The following RFX3 variants were observed in gnomAD, a reference collection of about 807,000 sequenced individuals.
RFX3 encodes transcription factor RFX3.
Under a neutral mutation model 98.6 loss-of-function variants are expected in RFX3, and 14 were observed. The observed-to-expected ratio is 0.14, with a 90% CI of 0.09 to 0.22. The LOEUF is 0.22. Among genes scored for constraint, RFX3 ranks in the 10% least tolerant of loss-of-function variants. The pLI, the probability that RFX3 is intolerant of heterozygous loss-of-function variation, is 1.00. For synonymous variants in RFX3, 383 were observed against 328.4 expected (o/e 1.17, Z -1.80); for missense variants, 639 against 926.9 (o/e 0.69, Z 4.03).
chr9:3,231,125 T>C (rs967573588), intron 15 of RFX3, among the ~76,000 whole-genome samples: 13 of 152,226 alleles, frequency 8.5e-5, no homozygotes, highest in South Asian at 2.1e-4. Context: ...TTATGCACTA[T>C]GGGGGACAAT....
At chr9:3,299,443 A>T (rs1458201371) in intron 5 of RFX3, among the ~76,000 whole-genome samples, 1 of 151,750 alleles carries the variant, frequency 6.6e-6, no homozygotes, top group African/African-American at 2.4e-5. Context: ...CCATCCGTAG[A>T]ATCATTTTTG....
chr9:3,488,508 T>C (rs905744997), intron 1 of RFX3, among the ~76,000 whole-genome samples: 2 of 152,190 alleles, frequency 1.3e-5, no homozygotes, highest in Non-Finnish European at 1.5e-5. Context: ...ACAACTCAAA[T>C]GGTTTGAGAA....
intron 3 of RFX3, among the ~76,000 whole-genome samples, chr9:3,333,301 A>G (rs1832801508): frequency 6.6e-6 from 1 of 152,172 alleles, no homozygotes; most frequent in Non-Finnish European, 1.5e-5. Context: ...TTTACAATAT[A>G]TATTTTAGTA....
intron 9 of RFX3, 129 bp from the exon 10 acceptor site, chr9:3,271,247 T>C: frequency 1.7e-6 from 1 of 599,442 alleles, no homozygotes; most frequent in Non-Finnish European, 2.8e-6. Context: ...ATGGTGAAAC[T>C]ACACTAAATT....
intron 11 of RFX3, among the ~76,000 whole-genome samples, chr9:3,267,338 T>C (rs1467444729): frequency 1.3e-5 from 2 of 151,916 alleles, no homozygotes; most frequent in Non-Finnish European, 2.9e-5. Context: ...CAGTTATATT[T>C]TGGGCCGAGG....
intron 13 of RFX3, among the ~76,000 whole-genome samples, chr9:3,259,616 C>T (rs986183605): frequency 1.9e-4 from 29 of 151,798 alleles, no homozygotes; most frequent in African/African-American, 6.8e-4. Context: ...GGTCAGCCCA[C>T]CGAAAGCTAT....
At chr9:3,262,849 T>C in intron 13 of RFX3, 86 bp downstream of exon 13, 1 of 1,404,470 alleles carries the variant, frequency 7.1e-7, no homozygotes, top group Admixed American at 1.8e-5. Flanking sequence ...AGATGAGACT[T>C]TGAAAAGAAA....
At chr9:3,314,382 T>C (rs569451409) in intron 4 of RFX3, among the ~76,000 whole-genome samples, 3 of 152,134 alleles carry the variant, frequency 2.0e-5, no homozygotes, top group South Asian at 2.1e-4. Flanking sequence ...GCACTGAACA[T>C]GGAAACAAAT....
At chr9:3,458,679 T>C (rs1489409161) in intron 1 of RFX3, among the ~76,000 whole-genome samples, 1 of 152,196 alleles carries the variant, frequency 6.6e-6, no homozygotes, top group Non-Finnish European at 1.5e-5. Flanking sequence ...TGGCACAGTG[T>C]AAAGAATACA....
At chr9:3,417,454 G>T (rs1280444706) in intron 1 of RFX3, among the ~76,000 whole-genome samples, 1 of 151,816 alleles carries the variant, frequency 6.6e-6, no homozygotes, top group African/African-American at 2.4e-5. Flanking sequence ...AATTTTAAAG[G>T]ACTCAAATCT....
At chr9:3,231,914 A>G (rs1223411722) in intron 15 of RFX3, among the ~76,000 whole-genome samples, 4 of 152,022 alleles carry the variant, frequency 2.6e-5, no homozygotes, top group African/African-American at 7.2e-5. Flanking sequence ...AAATATAAAA[A>G]TTAGCTGGGC....
chr9:3,418,749 G>C (rs1042900273), intron 1 of RFX3, among the ~76,000 whole-genome samples: 1 of 152,080 alleles, frequency 6.6e-6, no homozygotes, highest in African/African-American at 2.4e-5. Flanking sequence ...AATTAAAATA[G>C]GATATCATCA....
chr9:3,264,731 T>G (rs1823389773), intron 12 of RFX3, among the ~76,000 whole-genome samples: 1 of 152,208 alleles, frequency 6.6e-6, no homozygotes, highest in South Asian at 2.1e-4. Context: ...TGCTGTTTCC[T>G]CTGTCAGGGT....
intron 1 of RFX3, among the ~76,000 whole-genome samples, chr9:3,508,813 T>C (rs1265012643): frequency 1.3e-5 from 2 of 151,952 alleles, no homozygotes; most frequent in Non-Finnish European, 1.5e-5. Context: ...CATTGGGAAG[T>C]TCAATTGCCA....
At chr9:3,441,971 G>A (rs532675296) in intron 1 of RFX3, among the ~76,000 whole-genome samples, 5 of 152,170 alleles carry the variant, frequency 3.3e-5, no homozygotes, top group East Asian at 1.9e-4. Context: ...TGGTCCAGGC[G>A]GGCAGATCAC....
chr9:3,262,377 C>T (rs1823023640), intron 13 of RFX3, among the ~76,000 whole-genome samples: 1 of 152,092 alleles, frequency 6.6e-6, no homozygotes, highest in Non-Finnish European at 1.5e-5. Context: ...TGAACTACCA[C>T]AATAGTTGAA....
intron 1 of RFX3, among the ~76,000 whole-genome samples, chr9:3,416,933 CAG>C (rs889983700): frequency 1.3e-5 from 2 of 151,946 alleles, no homozygotes; most frequent in Non-Finnish European, 2.9e-5. Context: ...AATGAAGAGA[CAG>C]AGATTGTCAA....
chr9:3,400,447 C>T (rs551486605), intron 1 of RFX3, among the ~76,000 whole-genome samples: 1 of 152,318 alleles, frequency 6.6e-6, no homozygotes, highest in East Asian at 1.9e-4. Flanking sequence ...CCAAGTATCC[C>T]ATCAAGTATC....
intron 1 of RFX3, among the ~76,000 whole-genome samples, chr9:3,505,451 A>AAATATAAAATAAAATACTTTATTTTATAT (rs1564187568): frequency 5.3e-4 from 13 of 24,726 alleles, no homozygotes; most frequent in South Asian, 3.8e-3. Flanking sequence ...ATATTTATAT[A>AAATATAAAATAAAATACTTTATTTTATAT]AAATATAAAA....
Sources: gnomAD v4.1 joint callset for allele counts (sites outside exome capture counted in the v4.1 genomes callset) on GRCh38, gnomAD v4.1.1 for gene constraint, MANE v1.5 for transcripts, NCBI Gene and HGNC (gene_info 2026-07-23, HGNC 2026-07-21) for gene names.